Variants in FRMPD3 observed in about 807,000 individuals in gnomAD.
The protein encoded by FRMPD3 is FERM and PDZ domain containing 3.
In FRMPD3, 42 loss-of-function variants were observed where a neutral mutation model predicts 97.9. The observed-to-expected ratio is 0.43, with a 90% CI of 0.34 to 0.55. FRMPD3 has a LOEUF of 0.55. FRMPD3 is among the 20% of genes least tolerant of loss of function. The pLI, the probability that FRMPD3 is intolerant of heterozygous loss-of-function variation, is 0.03. For synonymous variants in FRMPD3, 577 were observed against 581.1 expected (o/e 0.99, Z 0.10); for missense variants, 1,303 against 1,457.7 (o/e 0.89, Z 1.73).
At chrX:107,504,362 G>A (rs1247665141) in intron 1 of FRMPD3, among the ~76,000 whole-genome samples, 9 of 112,414 alleles carry the variant, frequency 8.0e-5, no homozygotes, top group East Asian at 5.6e-4. Context: ...CAGTTCTAGC[G>A]TTTTTATATC....
intron 1 of FRMPD3, among the ~76,000 whole-genome samples, chrX:107,454,848 C>T (rs1474272471): frequency 9.2e-6 from 1 of 108,786 alleles, no homozygotes; most frequent in Non-Finnish European, 1.9e-5. Context: ...CTTAAAATTG[C>T]TTGAGGGAAC....
intron 13 of FRMPD3, among the ~76,000 whole-genome samples, chrX:107,586,661 T>C (rs768390391): frequency 8.9e-6 from 1 of 111,954 alleles, no homozygotes; most frequent in East Asian, 2.8e-4. Context: ...TTTGTTCTCC[T>C]TGGTTTCAAA....
intron 8 of FRMPD3, among the ~76,000 whole-genome samples, chrX:107,558,674 G>T (rs776836825): frequency 9.0e-6 from 1 of 111,137 alleles, no homozygotes; most frequent in South Asian, 3.8e-4. Flanking sequence ...ATAACTATTT[G>T]CATAGCATTT....
At chrX:107,570,520 G>A (rs895915688) in intron 12 of FRMPD3, among the ~76,000 whole-genome samples, 1 of 111,119 alleles carries the variant, frequency 9.0e-6, no homozygotes, top group Non-Finnish European at 1.9e-5. Context: ...TAAGAATTCT[G>A]GGGGGTTGGG....
In FRMPD3 at chrX:107,600,153, A is replaced by G. The variant is rs748979692; in HGVS notation, c.2264-150A>G. 129 of 674,439 alleles carry G rather than the reference A, an allele frequency of 1.9e-4. No individual in the cohort carries two copies. In the African/African-American group the frequency reaches 2.7e-3, roughly 14 times the overall value. The allele number at this position is 674,439 out of a possible 1,213,427, so 55.6% of individuals were successfully genotyped here. ...ATAGGTTACATGCAAATACTATGCC[A>G]TTTCGTATCAGGGACTTGAGCATCT... On this transcript the variant is annotated intron_variant, in intron 14 of 14. Coordinates refer to ENST00000683843, the MANE Select transcript of FRMPD3 (RefSeq NM_001388459.1).
chrX:107,557,167 G>C (rs1922116507), intron 8 of FRMPD3, among the ~76,000 whole-genome samples: 2 of 111,397 alleles, frequency 1.8e-5, no homozygotes, highest in Non-Finnish European at 3.8e-5. Flanking sequence ...TAGTCATTCT[G>C]ATAGTGCGTA....
chrX:107,522,594 C>G, intron 1 of FRMPD3: 1 of 431,733 alleles, frequency 2.3e-6, no homozygotes, highest in Non-Finnish European at 4.0e-6. Context: ...CTCTTCATCT[C>G]CTACCTAGAA....
intron 1 of FRMPD3, among the ~76,000 whole-genome samples, chrX:107,467,251 ATTG>A (rs1488782172): frequency 9.1e-6 from 1 of 109,401 alleles, no homozygotes; most frequent in Non-Finnish European, 1.9e-5. Flanking sequence ...ATGGAGCAGA[ATTG>A]TTTTTTTCCA....
intron 13 of FRMPD3, among the ~76,000 whole-genome samples, chrX:107,583,775 G>A (rs752347503): frequency 1.9e-4 from 21 of 110,481 alleles, no homozygotes; most frequent in Admixed American, 2.9e-4. Context: ...TTTAATAATC[G>A]CCATTCTGAC....
chrX:107,541,710 T>C (rs1921312516), intron 4 of FRMPD3, among the ~76,000 whole-genome samples: 1 of 111,591 alleles, frequency 9.0e-6, no homozygotes, highest in East Asian at 2.8e-4. Context: ...GGATACCAGT[T>C]GGGGTTCTTC....
intron 1 of FRMPD3, among the ~76,000 whole-genome samples, chrX:107,473,626 C>G (rs1921120956): frequency 8.9e-6 from 1 of 112,190 alleles, no homozygotes; most frequent in Non-Finnish European, 1.9e-5. Flanking sequence ...CATGGCAGAG[C>G]CAGGAGTAGA....
intron 11 of FRMPD3, 128 bp from the exon 12 acceptor site, chrX:107,564,759 G>T: frequency 1.4e-6 from 1 of 692,167 alleles, no homozygotes; most frequent in Non-Finnish European, 2.2e-6. Context: ...CTGTGGCACT[G>T]AGCCCCAGAT....
chrX:107,459,673 TATG>T (rs1219375879), intron 1 of FRMPD3, among the ~76,000 whole-genome samples: 1 of 112,437 alleles, frequency 8.9e-6, no homozygotes, highest in Non-Finnish European at 1.9e-5. Flanking sequence ...TGTGGGAGCA[TATG>T]ATGCCTTGTA....
chrX:107,597,283 C>A, intron 13 of FRMPD3, 38 bp from the exon 14 acceptor site: 1 of 1,107,936 alleles, frequency 9.0e-7, no homozygotes, highest in Non-Finnish European at 1.2e-6. Context: ...CAATCCTTGG[C>A]ACCAGGGCTC....
At chrX:107,540,374 C>T (rs1921237678) in intron 4 of FRMPD3, among the ~76,000 whole-genome samples, 1 of 111,869 alleles carries the variant, frequency 8.9e-6, no homozygotes, top group Non-Finnish European at 1.9e-5. Context: ...TTTTCAGTTA[C>T]CAAAGCGGGG....
intron 1 of FRMPD3, among the ~76,000 whole-genome samples, chrX:107,480,910 AAGAAAGAAAG>A (rs1251114045): frequency 1.0e-5 from 1 of 98,009 alleles, no homozygotes; most frequent in Non-Finnish European, 2.0e-5. Flanking sequence ...GAAAGAAAGA[AAGAAAGAAAG>A]AAAGAAAGAA....
chrX:107,480,646 G>A (rs1921320129), intron 1 of FRMPD3, among the ~76,000 whole-genome samples: 1 of 108,216 alleles, frequency 9.2e-6, no homozygotes, highest in Non-Finnish European at 1.9e-5. Context: ...CCTGGCCAAC[G>A]TGGCAAAACC....
At position 107,598,035 on chromosome X, in the gene FRMPD3, G is replaced by A. The variant is rs759771910; in HGVS notation, c.2156G>A (p.Arg719Gln). 35 of 1,208,747 alleles carry A rather than the reference G, an allele frequency of 2.9e-5. No individual in the cohort carries two copies. Among genetic ancestry groups the A allele is most frequent in the Non-Finnish European group, 3.7e-5 (33 of 895,005 alleles). The change falls in exon 14 of 15, where the codon CGA becomes CAA. Residue 719 changes from arginine to glutamine, a missense_variant. Physicochemically the swap from Arg to Gln is conservative, Grantham distance 43. Coordinates refer to ENST00000683843, the MANE Select transcript of FRMPD3 (RefSeq NM_001388459.1). ...LIDSVQTRTV[R>Q]DHAQELDDAL... ...GACAGTGTGCAGACCCGGACAGTTC[G>A]AGATCATGCCCAGGAGCTAGATGAT...
At chrX:107,532,843 T>C (rs1046903791) in intron 3 of FRMPD3, among the ~76,000 whole-genome samples, 4 of 112,921 alleles carry the variant, frequency 3.5e-5, no homozygotes, top group African/African-American at 1.3e-4. Context: ...TAAAAGATTA[T>C]GTATTCCTGG....
Sources: allele counts gnomAD v4.1 joint callset (sites outside exome capture counted in the v4.1 genomes callset), GRCh38; gene constraint gnomAD v4.1.1; transcripts MANE v1.5; gene names NCBI Gene and HGNC (gene_info 2026-07-23, HGNC 2026-07-21).